PPCDC: variants seen among roughly 807,000 people sequenced by gnomAD.
PPCDC encodes the protein phosphopantothenoylcysteine decarboxylase.
A neutral mutation model predicts 20.7 loss-of-function variants in PPCDC; 20 were observed. The ratio of observed to expected loss-of-function variants is 0.97; its 90% CI spans 0.68 to 1.41. PPCDC has a LOEUF of 1.41. Ranked by LOEUF, PPCDC falls within the 40% of genes most tolerant of loss-of-function variation. PPCDC has a pLI of 0.00. For missense variants in PPCDC, 246 were observed against 263.8 expected (o/e 0.93, Z 0.47); for synonymous variants, 88 against 100.3 (o/e 0.88, Z 0.73).
intron 2 of PPCDC, among the ~76,000 whole-genome samples, chr15:75,029,864 G>A (rs2066001158): frequency 6.6e-6 from 1 of 152,182 alleles, no homozygotes; most frequent in Non-Finnish European, 1.5e-5. Context: ...GACTAGGGGT[G>A]GATAGGGGCG....
intron 1 of PPCDC, among the ~76,000 whole-genome samples, chr15:75,024,110 G>A (rs1043106155): frequency 6.6e-6 from 1 of 152,192 alleles, no homozygotes. Flanking sequence ...TAAAAATTAG[G>A]CCAAATCTTG....
In PPCDC at chr15:75,049,472, G is replaced by A; in HGVS notation, c.*237G>A. The A allele has an allele frequency of 1.9e-6, 1 of 535,742 alleles. No individual in the cohort carries two copies. Among genetic ancestry groups the A allele is most frequent in the Non-Finnish European group, 3.4e-6 (1 of 297,708 alleles). The allele number at this position is 535,742 out of a possible 1,614,324, so 33.2% of individuals were successfully genotyped here. A position where few individuals can be genotyped will look rare whatever the true frequency, so the allele number is the denominator to read the frequency against. On this transcript the variant is annotated 3_prime_UTR_variant, in exon 6 of 6. Transcript: ENST00000342932. Reference sequence around the variant, plus strand: ...GCCCCTCCCCACCTTTTCCTGGATGGGTGAGGCAAGCCAGGAGAGCAAGCA... The same window carrying A: ...GCCCCTCCCCACCTTTTCCTGGATGAGTGAGGCAAGCCAGGAGAGCAAGCA...
At chr15:75,035,508 T>C (rs1303742831) in intron 2 of PPCDC, among the ~76,000 whole-genome samples, 3 of 152,232 alleles carry the variant, frequency 2.0e-5, no homozygotes, top group Non-Finnish European at 4.4e-5. Flanking sequence ...TCAGGATTCC[T>C]GATGTCTCTT....
At chr15:75,035,602 G>A (rs2141483990) in intron 2 of PPCDC, among the ~76,000 whole-genome samples, 1 of 152,314 alleles carries the variant, frequency 6.6e-6, no homozygotes, top group South Asian at 2.1e-4. Context: ...GGCAGCTTAT[G>A]TAATAGGGTC....
rs1257219511 is a variant in PPCDC, at chr15:75,048,574, G to A, written c.382G>A (p.Asp128Asn). 1 of 1,614,120 alleles carries A rather than the reference G, an allele frequency of 6.2e-7. No homozygotes were observed. Among genetic ancestry groups the A allele is most frequent in the South Asian group, 1.1e-5 (1 of 91,072 alleles). Reference protein sequence around the residue: ...NLLTCVMRAWDRSKPLLFCPA... With the variant: ...NLLTCVMRAWNRSKPLLFCPA... The stretch of plus-strand genomic sequence containing the variant: ...ACAGACCTGCGTCATGCGGGCCTGG[G>A]ACCGCAGCAAGCCCCTGCTCTTCTG... Residue 128 changes from aspartate to asparagine, a missense_variant, in exon 5 of 6, where the codon GAC (aspartate) becomes AAC (asparagine). Physicochemically the swap from Asp to Asn is conservative, Grantham distance 23. Transcript: ENST00000342932.
At chr15:75,028,798 T>C (rs1867150) in intron 2 of PPCDC, among the ~76,000 whole-genome samples, 48,430 of 152,040 alleles carry the variant, frequency 0.32, 9,047 homozygotes, top group East Asian at 0.62. Context: ...GTTCTCAGTA[T>C]CCCCTCCTGC....
intron 4 of PPCDC, among the ~76,000 whole-genome samples, chr15:75,046,369 C>G (rs540214321): frequency 6.6e-6 from 1 of 152,282 alleles, no homozygotes; most frequent in Non-Finnish European, 1.5e-5. Context: ...TCCCTGCTGG[C>G]GGGTCAGCAG....
chr15:75,050,413 C>T lies in PPCDC; in HGVS notation c.*1178C>T, dbSNP rs1595918311. 6.6e-6 allele frequency: 1 copy of T among 152,346 alleles called. No individual in the cohort carries two copies. The highest frequency in any genetic ancestry group is 2.1e-4 in the South Asian group (1 of 4,830). 9.4% of individuals were successfully genotyped at this position (152,346 alleles called of 1,614,324 possible). A position where few individuals can be genotyped will look rare whatever the true frequency, so the allele number is the denominator to read the frequency against. Reference sequence around the variant, plus strand: ...ACACCATGCACTCTGGCCCAGAAACCCTCTGCTACCCAGCTTTTGACTTAA... The same window carrying T: ...ACACCATGCACTCTGGCCCAGAAACTCTCTGCTACCCAGCTTTTGACTTAA... On this transcript the variant is annotated 3_prime_UTR_variant, in exon 6 of 6. Coordinates refer to ENST00000342932, the MANE Select transcript of PPCDC (RefSeq NM_021823.5).
intron 4 of PPCDC, among the ~76,000 whole-genome samples, chr15:75,046,175 A>T (rs372427764): frequency 8.4e-4 from 128 of 152,346 alleles, no homozygotes; most frequent in African/African-American, 2.9e-3. Context: ...TGATTGTGCC[A>T]CTGTACTCCA....
intron 2 of PPCDC, among the ~76,000 whole-genome samples, chr15:75,038,744 T>C (rs1316560381): frequency 6.7e-6 from 1 of 149,470 alleles, no homozygotes; most frequent in African/African-American, 2.5e-5. Flanking sequence ...TTTAATTTAA[T>C]TTTTTTTTTG....
intron 2 of PPCDC, among the ~76,000 whole-genome samples, chr15:75,040,238 A>G (rs191089266): frequency 1.3e-5 from 2 of 151,920 alleles, no homozygotes; most frequent in Admixed American, 1.3e-4. Flanking sequence ...GTGTGCCACG[A>G]TGCTGGCTAA....
At chr15:75,034,881 G>C (rs984899914) in intron 2 of PPCDC, among the ~76,000 whole-genome samples, 1 of 152,152 alleles carries the variant, frequency 6.6e-6, no homozygotes, top group South Asian at 2.1e-4. Flanking sequence ...GCTAGTTCCA[G>C]TTGGGCTCTT....
chr15:75,034,833 C>T (rs1268514422), intron 2 of PPCDC, among the ~76,000 whole-genome samples: 1 of 152,170 alleles, frequency 6.6e-6, no homozygotes, highest in African/African-American at 2.4e-5. Context: ...GGCATCATCA[C>T]GCCCTACTAG....
intron 4 of PPCDC, 116 bp downstream of exon 4, chr15:75,044,630 G>A: frequency 1.4e-6 from 2 of 1,380,044 alleles, no homozygotes; most frequent in African/African-American, 1.4e-5. Context: ...TGCCCAGGGA[G>A]ATCGTGCTCC....
chr15:75,044,316 C>G, intron 3 of PPCDC, 70 bp from the exon 4 acceptor site: 1 of 1,586,864 alleles, frequency 6.3e-7, no homozygotes, highest in Non-Finnish European at 8.6e-7. Context: ...TCCTGACTTA[C>G]CGTACCTGGC....
At chr15:75,031,076 C>T (rs956690735) in intron 2 of PPCDC, among the ~76,000 whole-genome samples, 8 of 152,174 alleles carry the variant, frequency 5.3e-5, no homozygotes, top group African/African-American at 1.2e-4. Flanking sequence ...TGGGCAAGTC[C>T]GTTCTTTTTG....
In PPCDC at chr15:75,048,631, C is replaced by CCGATCACAG. The variant is rs1555414819; in HGVS notation, c.442_450dup (p.Ile148_Ala150dup). On this transcript the variant is annotated inframe_insertion, in exon 5 of 6. Transcript: ENST00000342932. ...CATGAACACCGCCATGTGGGAGCAC[C>CCGATCACAG]CGATCACAGCGCAGCAGGTAGACCA... 1 of 1,614,220 alleles carries CCGATCACAG rather than the reference C, an allele frequency of 6.2e-7. No individual in the cohort carries two copies. Among genetic ancestry groups the CCGATCACAG allele is most frequent in the African/African-American group, 1.3e-5 (1 of 75,052 alleles).
chr15:75,044,060 C>G lies in PPCDC; in HGVS notation c.232-326C>G, dbSNP rs553474241. 1.4e-3 allele frequency among the ~76,000 whole-genome samples: 187 copies of G among 136,128 alleles called. 1 individual carries two copies. Among genetic ancestry groups the G allele is most frequent in the Middle Eastern group, 7.1e-3 (2 of 280 alleles). 89.3% of individuals were successfully genotyped at this position (136,128 alleles called of 152,430 possible). A position where few individuals can be genotyped will look rare whatever the true frequency, so the allele number is the denominator to read the frequency against. ...CCACCCCCTCCATTTCTCACTGCCC[C>G]GGAGCTTTCCACTGGCTTGGACAAC... On this transcript the variant is annotated intron_variant, in intron 3 of 5. Coordinates refer to ENST00000342932, the MANE Select transcript of PPCDC (RefSeq NM_021823.5).
At chr15:75,048,768 A>G (rs190376109) in intron 5 of PPCDC, 47 bp downstream of exon 5, 4 of 1,590,072 alleles carry the variant, frequency 2.5e-6, no homozygotes, top group Non-Finnish European at 3.4e-6. Context: ...GAAGGGGCTC[A>G]GCTTTGGGGT....
Sources: allele counts gnomAD v4.1 joint callset (sites outside exome capture counted in the v4.1 genomes callset), GRCh38; gene constraint gnomAD v4.1.1; transcripts MANE v1.5; gene names NCBI Gene and HGNC (gene_info 2026-07-23, HGNC 2026-07-21).